UBR1: variants seen among roughly 807,000 people sequenced by gnomAD.
UBR1 encodes the protein E3 ubiquitin-protein ligase UBR1.
UBR1 carries 102 observed loss-of-function variants against 242.1 expected under a neutral mutation model. The observed-to-expected ratio is 0.42, with a 90% confidence interval of 0.36 to 0.50. The LOEUF is 0.50. UBR1 is among the 20% of genes least tolerant of loss of function. The pLI is 0.01. For synonymous variants in UBR1, 675 were observed against 684.8 expected (o/e 0.99, Z 0.22); for missense variants, 1,772 against 2,101.8 (o/e 0.84, Z 3.07).
In UBR1 at chr15:42,983,877, T is replaced by C; in HGVS notation, c.4150+20A>G. 2 of 1,481,908 alleles carry C rather than the reference T, an allele frequency of 1.3e-6. No homozygotes were observed. Among genetic ancestry groups the C allele is most frequent in the African/African-American group, 1.4e-5 (1 of 71,736 alleles). The allele number at this position is 1,481,908 out of a possible 1,614,324, so 91.8% of individuals were successfully genotyped here. A position where few individuals can be genotyped will look rare whatever the true frequency, so the allele number is the denominator to read the frequency against. On this transcript the variant is annotated intron_variant, in intron 37 of 46. Coordinates refer to ENST00000290650, the MANE Select transcript of UBR1 (RefSeq NM_174916.3). ...ATATAAATAATATAATACATAATAATAGTTCAGAGAAGACTCTACCTGATA... is the reference window on the plus strand; with the variant it reads ...ATATAAATAATATAATACATAATAACAGTTCAGAGAAGACTCTACCTGATA...
chr15:43,013,156 C>T (rs1294728702), intron 29 of UBR1, among the ~76,000 whole-genome samples: 7 of 152,186 alleles, frequency 4.6e-5, no homozygotes, highest in Admixed American at 3.9e-4. Flanking sequence ...CCACCTGCCT[C>T]GGCCTCCCAA....
At chr15:43,076,723 G>C (rs1269125953) in intron 3 of UBR1, among the ~76,000 whole-genome samples, 84 of 146,744 alleles carry the variant, frequency 5.7e-4, no homozygotes, top group African/African-American at 2.0e-3. Context: ...ACCCCGTCTG[G>C]GAAGTGAGGA....
In UBR1 at chr15:42,984,061, G is replaced by A. The variant is rs970545412; in HGVS notation, c.4054-68C>T. 2.3e-5 allele frequency: 30 copies of A among 1,314,224 alleles called. No individual in the cohort carries two copies. The East Asian group carries it at 5.4e-4, about 24-fold the overall frequency. The allele number at this position is 1,314,224 out of a possible 1,614,324, so 81.4% of individuals were successfully genotyped here. A position where few individuals can be genotyped will look rare whatever the true frequency, so the allele number is the denominator to read the frequency against. On this transcript the variant is annotated intron_variant, in intron 36 of 46. Coordinates refer to ENST00000290650, the MANE Select transcript of UBR1 (RefSeq NM_174916.3). ...TGAGAGACCTAAGTCATCCACTTAA[G>A]AGTTGGTAAAAACCAACTCTAGTTT...
chr15:43,093,355 A>C (rs2034125141), intron 1 of UBR1, among the ~76,000 whole-genome samples: 1 of 152,174 alleles, frequency 6.6e-6, no homozygotes, highest in South Asian at 2.1e-4. Context: ...TCTTCTTTTT[A>C]AAGTGGTAAC....
rs756151136 is a variant in UBR1, at chr15:43,038,144, A to G, written c.1911+27T>C. 4 of 1,611,168 alleles carry G rather than the reference A, an allele frequency of 2.5e-6. No individual in the cohort carries two copies. The African/African-American group carries it at 4.0e-5, about 16-fold the overall frequency. ...AGATATTCAGAAACAGAATATAAGC[A>G]AATCAATACTTAGTAGAATCACTTA... is the stretch of plus-strand genomic sequence containing the variant. On this transcript the variant is annotated intron_variant, in intron 16 of 46. Transcript: ENST00000290650.
chr15:42,955,210 C>CT lies in UBR1; in HGVS notation c.4836-2763dup, dbSNP rs1224163989. On this transcript the variant is annotated intron_variant, in intron 44 of 46. Coordinates refer to ENST00000290650, the MANE Select transcript of UBR1 (RefSeq NM_174916.3). ...ACAAAAACAAATTTAAACTGCACTC[C>CT]TTTTTTTTGGTTCCTTCAAATGACA... is the stretch of plus-strand genomic sequence containing the variant. Among the ~76,000 whole-genome samples, 11 of 151,868 alleles carry CT rather than the reference C, an allele frequency of 7.2e-5. No individual in the cohort carries two copies. The East Asian group carries it at 7.8e-4, about 11-fold the overall frequency.
In UBR1 at chr15:43,022,683, G is replaced by A. The variant is rs1337065831; in HGVS notation, c.2839+19C>T. 1.3e-6 allele frequency: 2 copies of A among 1,525,570 alleles called. No individual in the cohort carries two copies. The highest frequency in any genetic ancestry group is 1.4e-5 in the African/African-American group (1 of 73,206). The allele number at this position is 1,525,570 out of a possible 1,614,324, so 94.5% of individuals were successfully genotyped here. On this transcript the variant is annotated intron_variant, in intron 26 of 46. Transcript: ENST00000290650. The stretch of plus-strand genomic sequence containing the variant: ...GACTTTCAATGACAAATGTGTTGAA[G>A]AGTGATACTCAAACATACTTGAAGC...
At chr15:43,103,330 C>T (rs984925410) in intron 1 of UBR1, among the ~76,000 whole-genome samples, 4 of 152,196 alleles carry the variant, frequency 2.6e-5, no homozygotes, top group Admixed American at 6.5e-5. Context: ...TGCCACTGCA[C>T]TCCAACCTGG....
chr15:43,045,073 T>C (rs1297446899), intron 14 of UBR1, among the ~76,000 whole-genome samples: 2 of 152,180 alleles, frequency 1.3e-5, no homozygotes, highest in Non-Finnish European at 2.9e-5. Flanking sequence ...TGGATGAATT[T>C]AATAGTAATG....
chr15:43,102,778 C>T (rs948481501), intron 1 of UBR1, among the ~76,000 whole-genome samples: 2 of 152,170 alleles, frequency 1.3e-5, no homozygotes, highest in African/African-American at 2.4e-5. Context: ...ATTTTCCACC[C>T]GTTTCAATCA....
chr15:43,049,460 G>C (rs911538189), intron 12 of UBR1, among the ~76,000 whole-genome samples: 1 of 152,140 alleles, frequency 6.6e-6, no homozygotes, highest in Admixed American at 6.6e-5. Context: ...CTACTCGGGA[G>C]GCTGAAGCAG....
At chr15:42,993,837 CAAA>C (rs879428378) in intron 33 of UBR1, among the ~76,000 whole-genome samples, 1 of 124,500 alleles carries the variant, frequency 8.0e-6, no homozygotes, top group Non-Finnish European at 1.7e-5. Flanking sequence ...GACTCCATCT[CAAA>C]AAAAAAAAAA....
At chr15:43,035,976 G>A (rs1464124933) in intron 19 of UBR1, among the ~76,000 whole-genome samples, 2 of 151,876 alleles carry the variant, frequency 1.3e-5, no homozygotes, top group South Asian at 2.1e-4. Context: ...TATACCTAAT[G>A]CTAGATGACG....
At chr15:43,072,552 C>T (rs994437583) in intron 4 of UBR1, among the ~76,000 whole-genome samples, 8 of 152,202 alleles carry the variant, frequency 5.3e-5, no homozygotes, top group African/African-American at 1.4e-4. Context: ...GTAGAACCTC[C>T]AATACAATAT....
intron 19 of UBR1, among the ~76,000 whole-genome samples, chr15:43,035,195 CAAT>C (rs1335223485): frequency 6.6e-6 from 1 of 152,088 alleles, no homozygotes; most frequent in Admixed American, 6.5e-5. Flanking sequence ...AGCACATTCA[CAAT>C]GATACAATTT....
rs764803016 is a variant in UBR1 at position 43,024,945 on chromosome 15, A to G, written c.2623T>C (p.Phe875Leu). ...PPPPPEFCPA[F>L]SKVINLLNCD... The stretch of plus-strand genomic sequence containing the variant: ...TTGAGAAGGTTAATCACTTTGCTGA[A>G]AGCAGGGCAGAATTCAGGAGGTGGT... Residue 875 changes from phenylalanine to leucine, a missense_variant, in exon 25 of 47, where the codon TTC (phenylalanine) becomes CTC (leucine). Around this residue, in one of 3 missense-constraint regions of UBR1, gnomAD observed 965 missense variants for 1,079.7 expected, o/e 0.89. Coordinates refer to ENST00000290650, the MANE Select transcript of UBR1 (RefSeq NM_174916.3). 6.2e-7 allele frequency: 1 copy of G among 1,614,220 alleles called. No homozygotes were observed. The highest frequency in any genetic ancestry group is 1.7e-5 in the Admixed American group (1 of 60,022).
rs2033016319 is a variant in UBR1, at chr15:43,015,861, A to G, written c.3036T>C (p.His1012=). The G allele has an allele frequency of 6.2e-7, 1 of 1,613,760 alleles. No homozygotes were observed. The highest frequency in any genetic ancestry group is 1.3e-5 in the African/African-American group (1 of 74,908). The change falls in exon 29 of 47, where the codon CAT becomes CAC. Residue 1012 remains histidine (H), a synonymous_variant. Transcript: ENST00000290650. ...TTTTTCGTTCTGCTTTTTCTTTATC[A>G]TGAGTAATCTGGGTATTAAGAAATG... ...SESIKNDEIT[H]DKEKAERKRK... is the part of the protein sequence containing the mutation.
At chr15:43,094,918 TG>T (rs1852446859) in intron 1 of UBR1, among the ~76,000 whole-genome samples, 1 of 152,234 alleles carries the variant, frequency 6.6e-6, no homozygotes. Flanking sequence ...TGTCAGAATT[TG>T]GTTTTTGAAA....
intron 2 of UBR1, among the ~76,000 whole-genome samples, chr15:43,085,549 C>A (rs1231795280): frequency 1.3e-5 from 2 of 152,092 alleles, no homozygotes; most frequent in African/African-American, 4.8e-5. Flanking sequence ...TAGCAATAAA[C>A]CAAGACAAGT....
Sources: allele counts gnomAD v4.1 joint callset (sites outside exome capture counted in the v4.1 genomes callset), GRCh38; gene constraint gnomAD v4.1.1; regional missense constraint gnomAD v4.1.1; transcripts MANE v1.5; gene names NCBI Gene and HGNC (gene_info 2026-07-23, HGNC 2026-07-21).